The following STK39 variants were observed in gnomAD, a reference collection of about 807,000 sequenced individuals.
STK39 encodes the protein serine/threonine kinase 39.
STK39 carries 20 observed loss-of-function variants against 77.8 expected under a neutral mutation model. That is an observed-to-expected ratio of 0.26 (90% CI 0.18 to 0.37). The LOEUF (loss-of-function observed/expected upper bound fraction) is 0.37, where lower values mean the gene tolerates loss of function less well. Ranked by LOEUF, STK39 falls within the 10% of genes least tolerant of loss-of-function variation. STK39 has a pLI of 1.00. For synonymous variants in STK39, 246 were observed against 234.1 expected, an observed-to-expected ratio of 1.05 and a Z score of -0.47; for missense variants, 479 against 656.5, an observed-to-expected ratio of 0.73 and a Z score of 2.95.
At chr2:168,166,478 A>G (rs1688695819) in intron 3 of STK39, among the ~76,000 whole-genome samples, 1 of 152,230 alleles carries the variant, frequency 6.6e-6, no homozygotes, top group African/African-American at 2.4e-5. Flanking sequence ...ATAGGATGAC[A>G]ATAGTGCCAT....
chr2:168,122,040 T>C (rs1687420406), intron 10 of STK39, among the ~76,000 whole-genome samples: 1 of 152,218 alleles, frequency 6.6e-6, no homozygotes, highest in Non-Finnish European at 1.5e-5. Context: ...TTTTGTAAAA[T>C]TTTTATTTTC....
At chr2:168,142,672 A>G (rs1559117730) in intron 5 of STK39, among the ~76,000 whole-genome samples, 1 of 152,230 alleles carries the variant, frequency 6.6e-6, no homozygotes, top group South Asian at 2.1e-4. Flanking sequence ...CCCTTTCAAT[A>G]TATCTGTAAT....
intron 1 of STK39, among the ~76,000 whole-genome samples, chr2:168,207,306 C>T (rs534649888): frequency 1.3e-5 from 2 of 152,154 alleles, no homozygotes; most frequent in South Asian, 2.1e-4. Context: ...CACACCCTAA[C>T]GAGGGAAGTA....
At chr2:168,213,199 G>T (rs1000534555) in intron 1 of STK39, among the ~76,000 whole-genome samples, 4 of 152,138 alleles carry the variant, frequency 2.6e-5, no homozygotes, top group Admixed American at 6.5e-5. Context: ...ACATAGCGCT[G>T]AATTTAGAAA....
intron 16 of STK39, among the ~76,000 whole-genome samples, chr2:167,968,543 G>A (rs888145187): frequency 2.0e-5 from 3 of 152,114 alleles, no homozygotes; most frequent in African/African-American, 7.2e-5. Context: ...ACAAGCTATG[G>A]GGAAAAGAGA....
chr2:168,081,355 A>G (rs1304461552), intron 10 of STK39, among the ~76,000 whole-genome samples: 4 of 152,084 alleles, frequency 2.6e-5, no homozygotes, highest in Admixed American at 6.5e-5. Flanking sequence ...ATCATTTTGG[A>G]GCTTTAAGAT....
At chr2:168,206,596 C>T (rs1198800766) in intron 1 of STK39, among the ~76,000 whole-genome samples, 2 of 152,136 alleles carry the variant, frequency 1.3e-5, no homozygotes, top group East Asian at 1.9e-4. Flanking sequence ...CCACCACGCC[C>T]GGCTGAGATC....
chr2:168,075,162 C>T lies in STK39; in HGVS notation c.1159G>A (p.Asp387Asn), dbSNP rs772724891. Reference sequence around the variant, plus strand: ...TCTTCGCTCTTCTCATCCATCTCGTCGTCACTCCACTCCCAGTCCCCGTCT... The same window carrying T: ...TCTTCGCTCTTCTCATCCATCTCGTTGTCACTCCACTCCCAGTCCCCGTCT... Reference protein sequence around the residue: ...TEDGDWEWSDDEMDEKSEEGK... With the variant: ...TEDGDWEWSDNEMDEKSEEGK... Residue 387 changes from aspartate to asparagine, a missense_variant, in exon 11 of 18, where the codon GAC (aspartate) becomes AAC (asparagine). Asp to Asn is a conservative substitution (Grantham distance 23). This residue lies in a region of STK39 where 244 missense variants were observed against 296.8 expected (regional missense o/e 0.82). Coordinates refer to ENST00000355999, the MANE Select transcript of STK39 (RefSeq NM_013233.3). The T allele has an allele frequency of 8.7e-6, 14 of 1,614,038 alleles. No homozygotes were observed. The highest frequency in any genetic ancestry group is 2.2e-5 in the East Asian group (1 of 44,902).
intron 10 of STK39, among the ~76,000 whole-genome samples, chr2:168,111,783 CT>C (rs1348075431): frequency 2.6e-5 from 4 of 152,176 alleles, no homozygotes; most frequent in Admixed American, 2.6e-4. Flanking sequence ...CTCTTGGAAG[CT>C]TAAATGTGAT....
At chr2:168,104,344 C>T (rs1686913639) in intron 10 of STK39, among the ~76,000 whole-genome samples, 1 of 152,104 alleles carries the variant, frequency 6.6e-6, no homozygotes, top group African/African-American at 2.4e-5. Context: ...ATGCAAAACA[C>T]TGGCCTAGTC....
chr2:167,999,367 C>T (rs143964655), intron 16 of STK39, among the ~76,000 whole-genome samples: 5 of 152,296 alleles, frequency 3.3e-5, no homozygotes, highest in South Asian at 2.1e-4. Flanking sequence ...GTCTGCCTCT[C>T]GAGTTGGACT....
chr2:167,990,318 G>A (rs982404555), intron 16 of STK39, among the ~76,000 whole-genome samples: 3 of 152,188 alleles, frequency 2.0e-5, no homozygotes, highest in Admixed American at 6.5e-5. Flanking sequence ...TGGCTGGCTG[G>A]AGGTCAGTCA....
chr2:168,051,792 T>A (rs1407555400), intron 14 of STK39, among the ~76,000 whole-genome samples: 2 of 152,112 alleles, frequency 1.3e-5, no homozygotes, highest in African/African-American at 4.8e-5. Context: ...GGCATTTGAC[T>A]CCTGGGGCTG....
At chr2:168,210,220 A>G (rs2105695467) in intron 1 of STK39, among the ~76,000 whole-genome samples, 1 of 152,304 alleles carries the variant, frequency 6.6e-6, no homozygotes, top group Non-Finnish European at 1.5e-5. Flanking sequence ...TACTGTGAAC[A>G]TATTGGAAAC....
intron 10 of STK39, among the ~76,000 whole-genome samples, chr2:168,106,874 T>C (rs1463679850): frequency 2.0e-5 from 3 of 152,210 alleles, no homozygotes; most frequent in African/African-American, 7.2e-5. Flanking sequence ...AATACGTATG[T>C]ATGTATTATG....
chr2:168,241,472 C>T (rs1327048842), intron 1 of STK39, among the ~76,000 whole-genome samples: 1 of 152,184 alleles, frequency 6.6e-6, no homozygotes. Context: ...CATTTGGCAC[C>T]TAAACCCCTG....
At chr2:167,995,119 T>C (rs1354082972) in intron 16 of STK39, among the ~76,000 whole-genome samples, 1 of 151,728 alleles carries the variant, frequency 6.6e-6, no homozygotes, top group Non-Finnish European at 1.5e-5. Context: ...TGTTTTGTTT[T>C]TTGTTTTTGA....
intron 5 of STK39, among the ~76,000 whole-genome samples, chr2:168,159,440 G>A (rs187839625): frequency 6.6e-6 from 1 of 152,168 alleles, no homozygotes; most frequent in East Asian, 1.9e-4. Flanking sequence ...CCTCATTTTT[G>A]TTCAGGCAGC....
intron 1 of STK39, among the ~76,000 whole-genome samples, chr2:168,214,077 C>T (rs914534440): frequency 6.6e-6 from 1 of 152,106 alleles, no homozygotes; most frequent in Non-Finnish European, 1.5e-5. Flanking sequence ...GGTGGAGCAG[C>T]ATGGACTCTA....
Sources: allele counts gnomAD v4.1 joint callset (sites outside exome capture counted in the v4.1 genomes callset), GRCh38; gene constraint gnomAD v4.1.1; regional missense constraint gnomAD v4.1.1; transcripts MANE v1.5; gene names NCBI Gene and HGNC (gene_info 2026-07-23, HGNC 2026-07-21).